Variants in SV2C observed in about 807,000 individuals in gnomAD.
SV2C encodes the protein solute carrier family 22 member B3.
Under a neutral mutation model 79.7 loss-of-function variants are expected in SV2C, and 49 were observed. The observed-to-expected ratio is 0.61, with a 90% CI of 0.49 to 0.78. The LOEUF is 0.78. Ranked by LOEUF, SV2C falls within the 30% of genes least tolerant of loss-of-function variation. The pLI is 0.00. For synonymous variants in SV2C, 334 were observed against 333.2 expected, an observed-to-expected ratio of 1.00 and a Z score of -0.03; for missense variants, 833 against 912.9, an observed-to-expected ratio of 0.91 and a Z score of 1.13.
chr5:75,895,503 T>C, the SV2C span, among the ~76,000 whole-genome samples: 4 of 152,136 alleles, frequency 2.6e-5, no homozygotes, highest in African/African-American at 4.8e-5. Context: ...AATAGAAATT[T>C]TGGGGAGGAA....
the SV2C span, among the ~76,000 whole-genome samples, chr5:75,940,645 G>A: frequency 6.6e-6 from 1 of 152,144 alleles, no homozygotes; most frequent in Non-Finnish European, 1.5e-5. Context: ...GAGTGTGACT[G>A]TCCTCCTGGC....
At chr5:75,850,577 T>G in the SV2C span, among the ~76,000 whole-genome samples, 1 of 152,036 alleles carries the variant, frequency 6.6e-6, no homozygotes, top group African/African-American at 2.4e-5. Flanking sequence ...GTTGGTGGTG[T>G]GGGTACATAT....
chr5:76,292,343 C>G (rs1397220218), intron 8 of SV2C, among the ~76,000 whole-genome samples: 1 of 152,234 alleles, frequency 6.6e-6, no homozygotes, highest in Non-Finnish European at 1.5e-5. Context: ...CCCCTCCACA[C>G]TCCCTATCCC....
chr5:75,913,385 C>T, the SV2C span, among the ~76,000 whole-genome samples: 1 of 152,140 alleles, frequency 6.6e-6, no homozygotes, highest in Non-Finnish European at 1.5e-5. Flanking sequence ...ACAAAGCATG[C>T]TATAAATAAG....
the SV2C span, among the ~76,000 whole-genome samples, chr5:75,970,535 A>G: frequency 6.6e-6 from 1 of 152,090 alleles, no homozygotes; most frequent in South Asian, 2.1e-4. Context: ...ATCAGAGAAT[A>G]CTATAAACAC....
chr5:76,035,224 G>A, the SV2C span, among the ~76,000 whole-genome samples: 2 of 151,460 alleles, frequency 1.3e-5, no homozygotes, highest in East Asian at 3.9e-4. Flanking sequence ...ATTTTTTGAA[G>A]GGTTTTTTTT....
chr5:75,893,721 T>C, the SV2C span, among the ~76,000 whole-genome samples: 19 of 152,096 alleles, frequency 1.2e-4, no homozygotes, highest in African/African-American at 4.3e-4. Flanking sequence ...AACAAATGTG[T>C]ACATGTACCT....
intron 12 of SV2C, among the ~76,000 whole-genome samples, 166 bp downstream of exon 12, chr5:76,301,711 C>T (rs1748008522): frequency 6.6e-6 from 1 of 152,006 alleles, no homozygotes; most frequent in African/African-American, 2.4e-5. Context: ...GAGTTCGAGA[C>T]CAGCCTGGCC....
chr5:76,268,394 G>A (rs1376466717), intron 4 of SV2C, among the ~76,000 whole-genome samples: 2 of 152,142 alleles, frequency 1.3e-5, no homozygotes, highest in Admixed American at 6.5e-5. Flanking sequence ...CAGGAGCTTC[G>A]AGAGACCTGA....
At chr5:76,035,309 C>G in the SV2C span, among the ~76,000 whole-genome samples, 1 of 151,526 alleles carries the variant, frequency 6.6e-6, no homozygotes, top group African/African-American at 2.4e-5. Context: ...AATGTGTTTG[C>G]TCTTGCTTCT....
chr5:76,076,701 T>C, the SV2C span, among the ~76,000 whole-genome samples: 514 of 152,334 alleles, frequency 3.4e-3, 1 homozygote, highest in Non-Finnish European at 4.7e-3. Context: ...CTATGACTTG[T>C]ATTCAGTTGA....
chr5:76,095,023 AG>A (rs1747506055), intron 1 of SV2C, among the ~76,000 whole-genome samples: 1 of 151,990 alleles, frequency 6.6e-6, no homozygotes, highest in South Asian at 2.1e-4. Flanking sequence ...CTCACCAAAA[AG>A]CCCAAGGTTA....
At chr5:76,194,356 C>T (rs1178729069) in intron 2 of SV2C, among the ~76,000 whole-genome samples, 2 of 152,188 alleles carry the variant, frequency 1.3e-5, no homozygotes, top group African/African-American at 4.8e-5. Context: ...AAACTTGAGC[C>T]TCTTATGCTG....
intron 12 of SV2C, among the ~76,000 whole-genome samples, chr5:76,320,719 C>T (rs1748800919): frequency 6.6e-6 from 1 of 152,136 alleles, no homozygotes; most frequent in African/African-American, 2.4e-5. Flanking sequence ...CAAGCAATTT[C>T]ATTTGAAAGT....
the SV2C span, among the ~76,000 whole-genome samples, chr5:76,008,820 T>C: frequency 6.6e-6 from 1 of 152,190 alleles, no homozygotes; most frequent in African/African-American, 2.4e-5. Context: ...TAAAAGTCAA[T>C]GTCCTGAGGA....
At chr5:76,261,600 A>G (rs977037483) in intron 4 of SV2C, among the ~76,000 whole-genome samples, 3 of 152,106 alleles carry the variant, frequency 2.0e-5, no homozygotes, top group Admixed American at 6.6e-5. Context: ...TAGATTTATT[A>G]TTTTGAGGTA....
the SV2C span, among the ~76,000 whole-genome samples, chr5:75,979,126 T>C: frequency 6.6e-6 from 1 of 151,888 alleles, no homozygotes; most frequent in Admixed American, 6.6e-5. Context: ...TCAACAAAGA[T>C]AAAAAAAGAA....
the SV2C span, among the ~76,000 whole-genome samples, chr5:75,889,670 G>T: frequency 8.5e-5 from 13 of 152,064 alleles, no homozygotes; most frequent in African/African-American, 3.1e-4. Context: ...AGGCACTGGG[G>T]TCAGGACTTC....
chr5:76,258,387 A>G (rs1260747147), intron 4 of SV2C, among the ~76,000 whole-genome samples: 1 of 152,132 alleles, frequency 6.6e-6, no homozygotes, highest in African/African-American at 2.4e-5. Context: ...TTAGTCTTCC[A>G]GGGCTGCAAA....
Sources: allele counts gnomAD v4.1 joint callset (sites outside exome capture counted in the v4.1 genomes callset), GRCh38; gene constraint gnomAD v4.1.1; transcripts MANE v1.5; gene names NCBI Gene and HGNC (gene_info 2026-07-23, HGNC 2026-07-21).